The following RERE variants were observed in gnomAD, a reference collection of about 807,000 sequenced individuals.
The protein encoded by RERE is arginine-glutamic acid dipeptide repeats, also known as arginine-glutamic acid dipeptide repeats protein.
RERE carries 40 observed loss-of-function variants against 146.1 expected under a neutral mutation model. That is an observed-to-expected ratio of 0.27 (90% CI 0.21 to 0.36). The LOEUF is 0.36. Ranked by LOEUF, RERE falls within the 10% of genes least tolerant of loss-of-function variation. RERE has a pLI of 1.00. For synonymous variants in RERE, 1,003 were observed against 866.0 expected (o/e 1.16, Z -2.78); for missense variants, 1,933 against 2,138.7 (o/e 0.90, Z 1.90).
At chr1:8,650,968 G>A (rs960804151) in intron 2 of RERE, among the ~76,000 whole-genome samples, 3 of 151,592 alleles carry the variant, frequency 2.0e-5, no homozygotes, top group South Asian at 2.1e-4. Flanking sequence ...GTAGTGCCAC[G>A]TGCCTGTAAT....
intron 1 of RERE, among the ~76,000 whole-genome samples, chr1:8,724,890 A>C (rs1639930095): frequency 6.7e-6 from 1 of 148,446 alleles, no homozygotes; most frequent in Non-Finnish European, 1.5e-5. Context: ...AAAAAAAAAA[A>C]CAACTCAACC....
intron 1 of RERE, among the ~76,000 whole-genome samples, chr1:8,777,533 C>CTT (rs752250797): frequency 9.4e-5 from 13 of 137,680 alleles, no homozygotes; most frequent in African/African-American, 2.1e-4. Context: ...AAGTGTCATA[C>CTT]TTTTTTTTTT....
intron 7 of RERE, among the ~76,000 whole-genome samples, chr1:8,517,800 G>T (rs1274508001): frequency 6.6e-6 from 1 of 152,200 alleles, no homozygotes; most frequent in African/African-American, 2.4e-5. Flanking sequence ...TAAATAAAAT[G>T]ACAAGATGTT....
At chr1:8,636,284 G>C (rs917485007) in intron 2 of RERE, among the ~76,000 whole-genome samples, 38 of 149,986 alleles carry the variant, frequency 2.5e-4, no homozygotes, top group Admixed American at 2.2e-3. Flanking sequence ...CACCGCACCC[G>C]GCCATCTTCA....
intron 1 of RERE, among the ~76,000 whole-genome samples, chr1:8,770,285 G>A (rs375516555): frequency 2.0e-5 from 3 of 152,080 alleles, no homozygotes; most frequent in African/African-American, 7.2e-5. Context: ...TACAGTACCT[G>A]ACACAGAATG....
chr1:8,529,084 TA>T (rs1269038110), intron 7 of RERE, among the ~76,000 whole-genome samples: 1 of 151,868 alleles, frequency 6.6e-6, no homozygotes, highest in African/African-American at 2.4e-5. Context: ...TAAAAGGTAA[TA>T]AAATAAAATA....
rs570538551 is a variant in RERE, at chr1:8,649,586, C to T, written c.325+6387G>A. 2.2e-4 allele frequency among the ~76,000 whole-genome samples: 33 copies of T among 151,910 alleles called. 1 individual carries two copies. The highest frequency in any genetic ancestry group is 1.4e-3 in the Admixed American group (21 of 15,250). On this transcript the variant is annotated intron_variant, in intron 2 of 22. Transcript: ENST00000400908. ...CTCTACTAAAAACACAAAAATTAGC[C>T]GGGCGTGGTGTCACACGCCTGTAAT...
intron 11 of RERE, among the ~76,000 whole-genome samples, chr1:8,454,108 C>G (rs1317746527): frequency 1.3e-5 from 2 of 152,194 alleles, no homozygotes; most frequent in Non-Finnish European, 2.9e-5. Context: ...TCCTCCCACT[C>G]TGGTGGAGTC....
At position 8,356,373 on chromosome 1, in the gene RERE, C is replaced by A; in HGVS notation, c.4340-127G>T. 8.9e-7 allele frequency: 1 copy of A among 1,118,316 alleles called. No homozygotes were observed. The highest frequency in any genetic ancestry group is 1.2e-6 in the Non-Finnish European group (1 of 843,292). The allele number at this position is 1,118,316 out of a possible 1,614,324, so 69.3% of individuals were successfully genotyped here. On this transcript the variant is annotated intron_variant, in intron 20 of 22. Transcript: ENST00000400908. The surrounding 1 kb of genome is among the most constrained non-coding windows in gnomAD (Gnocchi z 5.2). ...CTCCTGGTCACCAGGGCTGGATGCA[C>A]CACCTGGCTACAGGTGGCCCTGCCC...
At chr1:8,568,845 ATCTG>A (rs1315655288) in intron 4 of RERE, among the ~76,000 whole-genome samples, 2 of 152,264 alleles carry the variant, frequency 1.3e-5, no homozygotes, top group South Asian at 4.2e-4. Context: ...CTGTCTATCC[ATCTG>A]TCTATCTTTC....
chr1:8,567,374 C>G (rs775696951), intron 4 of RERE, among the ~76,000 whole-genome samples: 1 of 152,154 alleles, frequency 6.6e-6, no homozygotes, highest in Non-Finnish European at 1.5e-5. Flanking sequence ...TGTTTACAAT[C>G]AAGATATACA....
chr1:8,459,135 G>C (rs2124101676), intron 11 of RERE, among the ~76,000 whole-genome samples: 1 of 152,238 alleles, frequency 6.6e-6, no homozygotes, highest in Admixed American at 6.5e-5. Context: ...CAAGGGTTTG[G>C]TTCAAAGGCC....
chr1:8,550,535 T>C (rs1165022066), intron 6 of RERE, among the ~76,000 whole-genome samples: 1 of 151,412 alleles, frequency 6.6e-6, no homozygotes, highest in African/African-American at 2.4e-5. Flanking sequence ...TTTTTTGTTG[T>C]TGTTGTTGTT....
At position 8,817,376 on chromosome 1, in the gene RERE, C is replaced by T. The variant is rs950849317; in HGVS notation, c.-361G>A. On this transcript the variant is annotated 5_prime_UTR_variant, in exon 1 of 23. Coordinates refer to ENST00000400908, the MANE Select transcript of RERE (RefSeq NM_001042681.2). ...GAACCTAGGCTCCCTCCTCCTCGGT[C>T]GGGCAGATCTTTCAGAAGCAGGAGC... 2 of 151,618 alleles carry T rather than the reference C, an allele frequency of 1.3e-5. No individual in the cohort carries two copies. Among genetic ancestry groups the T allele is most frequent in the Admixed American group, 1.3e-4 (2 of 15,218 alleles). The allele number at this position is 151,618 out of a possible 1,614,324, so 9.4% of individuals were successfully genotyped here.
At chr1:8,427,932 CTT>C (rs1034254097) in intron 11 of RERE, among the ~76,000 whole-genome samples, 1 of 152,176 alleles carries the variant, frequency 6.6e-6, no homozygotes, top group Admixed American at 6.5e-5. Context: ...GTTTTTAAGA[CTT>C]TAACAATTAA....
chr1:8,417,459 T>C (rs1643807979), intron 12 of RERE, among the ~76,000 whole-genome samples: 1 of 152,220 alleles, frequency 6.6e-6, no homozygotes, highest in Admixed American at 6.5e-5. Flanking sequence ...TTTCATCCCA[T>C]TACTTAAAGT....
intron 1 of RERE, among the ~76,000 whole-genome samples, chr1:8,772,151 T>G (rs1315833752): frequency 6.6e-6 from 1 of 152,032 alleles, no homozygotes; most frequent in Non-Finnish European, 1.5e-5. Context: ...CAGACAGCTG[T>G]TATCTCTATA....
chr1:8,792,103 AAAAAG>A (rs1470707729), intron 1 of RERE, among the ~76,000 whole-genome samples: 6 of 152,184 alleles, frequency 3.9e-5, no homozygotes, highest in East Asian at 1.9e-4. Context: ...AAGGAAAAAA[AAAAAG>A]AAAACAAAAC....
chr1:8,449,958 C>A (rs907400062), intron 11 of RERE, among the ~76,000 whole-genome samples: 2 of 152,210 alleles, frequency 1.3e-5, no homozygotes, highest in Admixed American at 6.5e-5. Context: ...TTCTACCCTA[C>A]TCAGTCTGTG....
Sources: allele counts gnomAD v4.1 joint callset (sites outside exome capture counted in the v4.1 genomes callset), GRCh38; gene constraint gnomAD v4.1.1; non-coding constraint Gnocchi (gnomAD v3.1); transcripts MANE v1.5; gene names NCBI Gene and HGNC (gene_info 2026-07-23, HGNC 2026-07-21).